The following SCARA3 variants were observed in gnomAD, a reference collection of about 807,000 sequenced individuals.
The protein encoded by SCARA3 is scavenger receptor class A member 3.
SCARA3 carries 39 observed loss-of-function variants against 47.0 expected under a neutral mutation model. That is an observed-to-expected ratio of 0.83 (90% confidence interval 0.64 to 1.08). SCARA3 has a LOEUF of 1.08. Ranked by LOEUF, SCARA3 falls within the 50% of genes least tolerant of loss-of-function variation. The probability of loss-of-function intolerance (pLI) is 0.00; values close to 1 mark genes in which losing one functional copy is unlikely to be tolerated. For synonymous variants in SCARA3, 356 were observed against 334.1 expected (o/e 1.07, Z -0.71); for missense variants, 724 against 792.3 (o/e 0.91, Z 1.04).
the SCARA3 span, among the ~76,000 whole-genome samples, chr8:27,722,109 A>G: frequency 3.3e-5 from 5 of 152,186 alleles, no homozygotes; most frequent in African/African-American, 1.2e-4. Context: ...TGAAATATTT[A>G]TGAATGCTAA....
chr8:27,645,384 G>T (rs1257867352), intron 1 of SCARA3, among the ~76,000 whole-genome samples: 1 of 152,240 alleles, frequency 6.6e-6, no homozygotes, highest in East Asian at 1.9e-4. Flanking sequence ...CAGTTGAGGG[G>T]AGCTTTCCTG....
chr8:27,668,894 G>C (rs1802080518), intron 5 of SCARA3, among the ~76,000 whole-genome samples: 1 of 152,156 alleles, frequency 6.6e-6, no homozygotes, highest in Non-Finnish European at 1.5e-5. Context: ...AGGGAGGAGA[G>C]GTTGTCCACC....
chr8:27,644,035 C>G (rs1248850541), intron 1 of SCARA3, among the ~76,000 whole-genome samples: 1 of 152,130 alleles, frequency 6.6e-6, no homozygotes, highest in Non-Finnish European at 1.5e-5. Context: ...GGCATGCACC[C>G]TCCATCAAAC....
intron 4 of SCARA3, 118 bp downstream of exon 4, chr8:27,656,998 G>T: frequency 1.5e-6 from 1 of 681,066 alleles, no homozygotes; most frequent in Non-Finnish European, 2.6e-6. Context: ...AGGCACAGAG[G>T]CTATCCCCAG....
rs559738119 is a variant in SCARA3, at chr8:27,663,171, C to T, written c.1369+3632C>T. 4.6e-5 allele frequency among the ~76,000 whole-genome samples: 7 copies of T among 152,250 alleles called. No homozygotes were observed. In the South Asian group the frequency reaches 1.5e-3, roughly 32 times the overall value. The stretch of plus-strand genomic sequence containing the variant: ...TCCAAGCAAAATGAACGATCAGGTG[C>T]ACAGCCCAAAGATCTACCCACTGGG... On this transcript the variant is annotated intron_variant, in intron 5 of 5. Transcript: ENST00000301904.
chr8:27,722,425 A>C, the SCARA3 span, among the ~76,000 whole-genome samples: 1 of 152,110 alleles, frequency 6.6e-6, no homozygotes, highest in East Asian at 1.9e-4. Context: ...TCTATAAAAA[A>C]AGAGGTCAGA....
At chr8:27,731,856 G>C in the SCARA3 span, among the ~76,000 whole-genome samples, 2 of 152,104 alleles carry the variant, frequency 1.3e-5, no homozygotes, top group Non-Finnish European at 2.9e-5. Flanking sequence ...AGTGGAAGAC[G>C]ATTCTGGCAA....
At chr8:27,678,459 A>C (rs1802310901), downstream of SCARA3, among the ~76,000 whole-genome samples, 1 of 152,188 alleles carries the variant, frequency 6.6e-6, no homozygotes, top group African/African-American at 2.4e-5. Context: ...GAATACAAAC[A>C]ACCACAGCTC....
chr8:27,640,075 G>A (rs894021), intron 1 of SCARA3, among the ~76,000 whole-genome samples: 4,837 of 152,228 alleles, frequency 0.032, 106 homozygotes, highest in East Asian at 0.077. Flanking sequence ...GGGACAGAGC[G>A]GTGGAATTGA....
intron 5 of SCARA3, among the ~76,000 whole-genome samples, chr8:27,661,180 C>T (rs1801906608): frequency 6.6e-6 from 1 of 152,192 alleles, no homozygotes; most frequent in African/African-American, 2.4e-5. Context: ...TGACCAATAT[C>T]TGATCTAGTC....
rs546873740 is a variant in SCARA3 at position 27,671,557 on chromosome 8, C to T, written c.*206C>T. The T allele has an allele frequency of 1.9e-4, 247 of 1,279,290 alleles. No individual in the cohort carries two copies. The highest frequency in any genetic ancestry group is 3.0e-4 in the Middle Eastern group (1 of 3,384). The allele number at this position is 1,279,290 out of a possible 1,614,324, so 79.2% of individuals were successfully genotyped here. On this transcript the variant is annotated 3_prime_UTR_variant, in exon 6 of 6. Transcript: ENST00000301904. Reference sequence around the variant, plus strand: ...CTCCTCACACATACATGTGCACATGCACACACATGCATGCACACACATGCA... The same window carrying T: ...CTCCTCACACATACATGTGCACATGTACACACATGCATGCACACACATGCA...
chr8:27,671,773 C>G lies in SCARA3; in HGVS notation c.*422C>G. 1 of 998,106 alleles carries G rather than the reference C, an allele frequency of 1.0e-6. No individual in the cohort carries two copies. The highest frequency in any genetic ancestry group is 1.2e-6 in the Non-Finnish European group (1 of 838,586). 61.8% of individuals were successfully genotyped at this position (998,106 alleles called of 1,614,324 possible). On this transcript the variant is annotated 3_prime_UTR_variant, in exon 6 of 6. Transcript: ENST00000301904. ...GCACAGGCACACACATGTACGCACA[C>G]ACACATGCACTGCACACATATCCAT...
intron 5 of SCARA3, among the ~76,000 whole-genome samples, chr8:27,665,556 G>C (rs1254851689): frequency 1.3e-5 from 2 of 152,026 alleles, no homozygotes; most frequent in Non-Finnish European, 2.9e-5. Context: ...CTTTTTTGTA[G>C]AGACAGGGTC....
chr8:27,650,632 G>A (rs112412165), intron 2 of SCARA3, among the ~76,000 whole-genome samples: 6 of 152,290 alleles, frequency 3.9e-5, no homozygotes, highest in African/African-American at 1.4e-4. Flanking sequence ...CAGAATGTGT[G>A]GCTAAAGGTG....
chr8:27,658,929 C>T lies in SCARA3; in HGVS notation c.759C>T (p.Thr253=), dbSNP rs1299058524. The part of the protein sequence containing the change: ...EETLTLQKIV[T]DWQNYTRLFS... ...CCCTGACCCTCCAGAAGATTGTCAC[C>T]GACTGGCAGAACTACACACGGCTCT... The change falls in exon 5 of 6, where the codon ACC becomes ACT. Residue 253 remains threonine (T), a synonymous_variant. Transcript: ENST00000301904. The T allele has an allele frequency of 1.2e-5, 19 of 1,614,000 alleles. No homozygotes were observed. The highest frequency in any genetic ancestry group is 3.3e-5 in the Admixed American group (2 of 60,000).
intron 5 of SCARA3, among the ~76,000 whole-genome samples, chr8:27,669,138 G>A (rs1802085673): frequency 6.6e-6 from 1 of 152,192 alleles, no homozygotes; most frequent in African/African-American, 2.4e-5. Context: ...GGAGGAGTCG[G>A]GACAGAAGGA....
the SCARA3 span, among the ~76,000 whole-genome samples, chr8:27,710,219 G>C: frequency 8.3e-6 from 1 of 121,102 alleles, no homozygotes; most frequent in African/African-American, 3.2e-5. Flanking sequence ...GACAGAGCGA[G>C]ACTCCGTCTC....
In SCARA3 at chr8:27,672,784, A is replaced by G; in HGVS notation, c.*1433A>G. Reference sequence around the variant, plus strand: ...CTGCTTTGCCTTCATGTTCAAACAGATTCAGGCACCACCCCCTCCACCGCC... The same window carrying G: ...CTGCTTTGCCTTCATGTTCAAACAGGTTCAGGCACCACCCCCTCCACCGCC... On this transcript the variant is annotated 3_prime_UTR_variant, in exon 6 of 6. Transcript: ENST00000301904. 11 of 985,594 alleles carry G rather than the reference A, an allele frequency of 1.1e-5. No homozygotes were observed. Among genetic ancestry groups the G allele is most frequent in the Non-Finnish European group, 1.3e-5 (11 of 830,072 alleles). The allele number at this position is 985,594 out of a possible 1,614,324, so 61.1% of individuals were successfully genotyped here. A position where few individuals can be genotyped will look rare whatever the true frequency, so the allele number is the denominator to read the frequency against.
At chr8:27,642,845 A>G (rs1801411008) in intron 1 of SCARA3, among the ~76,000 whole-genome samples, 2 of 152,152 alleles carry the variant, frequency 1.3e-5, no homozygotes, top group South Asian at 4.1e-4. Context: ...AAAAAAAGAA[A>G]AGAAAAGAAA....
Sources: allele counts gnomAD v4.1 joint callset (sites outside exome capture counted in the v4.1 genomes callset), GRCh38; gene constraint gnomAD v4.1.1; transcripts MANE v1.5; gene names NCBI Gene and HGNC (gene_info 2026-07-23, HGNC 2026-07-21).